The following AARS2 variants were observed in gnomAD, a reference collection of about 807,000 sequenced individuals.
AARS2 encodes alanine--tRNA ligase, mitochondrial.
Under a neutral mutation model 119.7 loss-of-function variants are expected in AARS2, and 78 were observed. The observed-to-expected ratio is 0.65, with a 90% CI of 0.54 to 0.79. The LOEUF (loss-of-function observed/expected upper bound fraction) is 0.79, where lower values mean the gene tolerates loss of function less well. AARS2 is among the 30% of genes least tolerant of loss of function. The pLI, the probability that AARS2 is intolerant of heterozygous loss-of-function variation, is 0.00. For missense variants in AARS2, 1,157 were observed against 1,291.3 expected (o/e 0.90, Z 1.59); for synonymous variants, 502 against 526.3 (o/e 0.95, Z 0.63).
chr6:44,312,124 T>C lies in AARS2; in HGVS notation c.383A>G (p.His128Arg). 1 of 1,614,230 alleles carries C rather than the reference T, an allele frequency of 6.2e-7. No individual in the cohort carries two copies. Among genetic ancestry groups the C allele is most frequent in the Non-Finnish European group, 8.5e-7 (1 of 1,180,048 alleles). ...ATTGCCAAGCATTTCAAAGAAGGTA[T>C]GATGGGAAAGGTCTCGACCCACATC... Reference protein sequence around the residue: ...LEDVGRDLSHHTFFEMLGNWA... With the variant: ...LEDVGRDLSHRTFFEMLGNWA... Residue 128 changes from histidine to arginine, a missense_variant, in exon 2 of 22, where the codon CAT becomes CGT. His to Arg is a conservative substitution (Grantham distance 29). Transcript: ENST00000244571.
At chr6:44,312,502 T>C (rs761161317) in intron 1 of AARS2, among the ~76,000 whole-genome samples, 1 of 151,884 alleles carries the variant, frequency 6.6e-6, no homozygotes, top group Non-Finnish European at 1.5e-5. Flanking sequence ...CCTAGTAAAA[T>C]AGGCAAGGTA....
At position 44,312,150 on chromosome 6, in the gene AARS2, T is replaced by G; in HGVS notation, c.357A>C (p.Glu119Asp). 1 of 1,614,264 alleles carries G rather than the reference T, an allele frequency of 6.2e-7. No individual in the cohort carries two copies. Among genetic ancestry groups the G allele is most frequent in the Non-Finnish European group, 8.5e-7 (1 of 1,180,056 alleles). Residue 119 changes from glutamate (E) to aspartate (D), a missense_variant, in exon 2 of 22, where the codon GAA becomes GAC. Glu to Asp is a conservative substitution (Grantham distance 45). Transcript: ENST00000244571. Reference sequence around the variant, plus strand: ...GATGGGAAAGGTCTCGACCCACATCTTCCAGGTCGTTATGGTGTCCTCCAG... The same window carrying G: ...GATGGGAAAGGTCTCGACCCACATCGTCCAGGTCGTTATGGTGTCCTCCAG... The part of the protein sequence containing the change: ...VRAGGHHNDL[E>D]DVGRDLSHHT...
intron 21 of AARS2, 124 bp from the exon 22 acceptor site, chr6:44,300,835 G>C: frequency 7.9e-7 from 1 of 1,266,054 alleles, no homozygotes; most frequent in Non-Finnish European, 1.1e-6. Flanking sequence ...GCACATGGTG[G>C]GGCAGTCAGG....
rs1044839320 is a variant in AARS2, at chr6:44,307,626, T to C, written c.895-232A>G. ...CATATCTGTGACCATTTACTGAATT[T>C]CTACTATCAGAACTGGGTGAGTACT... is the stretch of plus-strand genomic sequence containing the variant. On this transcript the variant is annotated intron_variant, in intron 5 of 21. Coordinates refer to ENST00000244571, the MANE Select transcript of AARS2 (RefSeq NM_020745.4). The surrounding 1 kb of genome is among the most constrained non-coding windows in gnomAD (Gnocchi z 4.4). 1.7e-6 allele frequency: 1 copy of C among 602,356 alleles called. No individual in the cohort carries two copies. The highest frequency in any genetic ancestry group is 2.9e-5 in the Admixed American group (1 of 34,096). 37.3% of individuals were successfully genotyped at this position (602,356 alleles called of 1,614,324 possible).
rs1327298962 is a variant in AARS2 at position 44,301,263 on chromosome 6, G to A, written c.2686C>T (p.Leu896=). The change falls in exon 21 of 22, where the codon CTG becomes TTG. Residue 896 remains leucine, a synonymous_variant. Coordinates refer to ENST00000244571, the MANE Select transcript of AARS2 (RefSeq NM_020745.4). The stretch of plus-strand genomic sequence containing the variant: ...CACAGCTGCCGTACCACCTTCACCA[G>A]CACCTGGACCACGAAAGACAGATGG... The part of the protein sequence containing the change: ...DTVSAESLSV[L]VKVVRQLCEQ... 1 of 1,613,948 alleles carries A rather than the reference G, an allele frequency of 6.2e-7. No homozygotes were observed. Among genetic ancestry groups the A allele is most frequent in the Non-Finnish European group, 8.5e-7 (1 of 1,179,994 alleles).
At chr6:44,311,780 T>G (rs1181495907) in intron 2 of AARS2, among the ~76,000 whole-genome samples, 2 of 152,204 alleles carry the variant, frequency 1.3e-5, no homozygotes, top group African/African-American at 2.4e-5. Flanking sequence ...TCACATGAAA[T>G]TCTCTGCCTA....
rs540341777 is a variant in AARS2 at position 44,310,523 on chromosome 6, TG to T, written c.750-81del. 2,790 of 1,536,114 alleles carry T rather than the reference TG, an allele frequency of 1.8e-3. 27 individuals carry two copies. In the African/African-American group the frequency reaches 0.031, roughly 17 times the overall value. On this transcript the variant is annotated intron_variant, in intron 4 of 21. Transcript: ENST00000244571. ...CAGATGCCCAAGTGGAGTAGAGAAATGGGGGGGGGCCCAAGGGAGCTGACAG... is the reference window on the plus strand; with the variant it reads ...CAGATGCCCAAGTGGAGTAGAGAAATGGGGGGGGCCCAAGGGAGCTGACAG...
chr6:44,310,501 A>C, intron 4 of AARS2, 58 bp from the exon 5 acceptor site: 1 of 1,603,726 alleles, frequency 6.2e-7, no homozygotes, highest in Non-Finnish European at 8.5e-7. Context: ...TGTGAGACAG[A>C]TGCCCAAGTG....
In AARS2 at chr6:44,307,552, C is replaced by G; in HGVS notation, c.895-158G>C. 1 of 903,758 alleles carries G rather than the reference C, an allele frequency of 1.1e-6. No individual in the cohort carries two copies. Among genetic ancestry groups the G allele is most frequent in the Non-Finnish European group, 1.7e-6 (1 of 591,846 alleles). 56.0% of individuals were successfully genotyped at this position (903,758 alleles called of 1,614,324 possible). A position where few individuals can be genotyped will look rare whatever the true frequency, so the allele number is the denominator to read the frequency against. On this transcript the variant is annotated intron_variant, in intron 5 of 21. Coordinates refer to ENST00000244571, the MANE Select transcript of AARS2 (RefSeq NM_020745.4). The surrounding 1 kb of genome is among the most constrained non-coding windows in gnomAD (Gnocchi z 4.4). ...GGCTGAGAAGCCTCACAGATGAGCA[C>G]AAGCCAGGCCCTGCCCTCACGGGGC...
At position 44,311,503 on chromosome 6, in the gene AARS2, C is replaced by T; in HGVS notation, c.468G>A (p.Leu156=). Residue 156 remains leucine, a synonymous_variant, in exon 3 of 22, where the codon CTG becomes CTA. Transcript: ENST00000244571. ...CCTCAGGGATCCCATAGACCTGAGT[C>T]AGCAGTTCCCAGGCCATGTTACAAG... ...EEACNMAWEL[L]TQVYGIPEER... 1 of 1,614,082 alleles carries T rather than the reference C, an allele frequency of 6.2e-7. No individual in the cohort carries two copies. Among genetic ancestry groups the T allele is most frequent in the Non-Finnish European group, 8.5e-7 (1 of 1,180,026 alleles).
Position 44,307,653 on chromosome 6 carries a change from GA to G in AARS2, c.895-260del. ...TACTATCAGAACTGGGTGAGTACTT[GA>G]ACAACATGGCCTCGAATCCCCAAAA... On this transcript the variant is annotated intron_variant, in intron 5 of 21. Coordinates refer to ENST00000244571, the MANE Select transcript of AARS2 (RefSeq NM_020745.4). The surrounding 1 kb of genome is among the most constrained non-coding windows in gnomAD (Gnocchi z 4.4). 1.8e-6 allele frequency: 1 copy of G among 565,114 alleles called. No individual in the cohort carries two copies. The highest frequency in any genetic ancestry group is 1.9e-5 in the African/African-American group (1 of 53,374). 35.0% of individuals were successfully genotyped at this position (565,114 alleles called of 1,614,324 possible). A position where few individuals can be genotyped will look rare whatever the true frequency, so the allele number is the denominator to read the frequency against.
chr6:44,306,673 T>A, intron 7 of AARS2, 141 bp from the exon 8 acceptor site: 1 of 1,103,466 alleles, frequency 9.1e-7, no homozygotes, highest in Non-Finnish European at 1.4e-6. Context: ...AATGGGGAAC[T>A]GGTTTCCCTG....
At position 44,299,863 on chromosome 6, in the gene AARS2, C is replaced by T. The variant is rs370436608; in HGVS notation, c.*684G>A. ...AACACTCATGGCAATGAAGATGGCCCGATTTGGATCCTGGGTGGCCTTTCA... is the reference window on the plus strand; with the variant it reads ...AACACTCATGGCAATGAAGATGGCCTGATTTGGATCCTGGGTGGCCTTTCA... On this transcript the variant is annotated 3_prime_UTR_variant, in exon 22 of 22. Transcript: ENST00000244571. 6.5e-6 allele frequency: 1 copy of T among 152,782 alleles called. No individual in the cohort carries two copies. Among genetic ancestry groups the T allele is most frequent in the African/African-American group, 2.4e-5 (1 of 41,376 alleles). The allele number at this position is 152,782 out of a possible 1,614,324, so 9.5% of individuals were successfully genotyped here.
chr6:44,303,497 C>G (rs1039315725), intron 14 of AARS2, 74 bp from the exon 15 acceptor site: 4 of 1,602,656 alleles, frequency 2.5e-6, no homozygotes, highest in Admixed American at 1.7e-5. Flanking sequence ...CATTGAAACA[C>G]GGTCAATGTT....
In AARS2 at chr6:44,300,507, C is replaced by T. The variant is rs758172170; in HGVS notation, c.*40G>A. The T allele has an allele frequency of 6.2e-7, 1 of 1,613,478 alleles. No individual in the cohort carries two copies. Among genetic ancestry groups the T allele is most frequent in the South Asian group, 1.1e-5 (1 of 91,088 alleles). On this transcript the variant is annotated 3_prime_UTR_variant, in exon 22 of 22. Coordinates refer to ENST00000244571, the MANE Select transcript of AARS2 (RefSeq NM_020745.4). ...CTGCTGGCTCCTTCAGGGCTCCTGG[C>T]ATTGCCTTTAGTCCATGTGGGTCCC... is the stretch of plus-strand genomic sequence containing the variant.
Position 44,305,588 on chromosome 6 carries a change from C to T in AARS2, c.1434+65G>A. ...CTCTCAATATTCACAGCTCCTCCCC[C>T]AGGAGCTCAGGGCTGGGGAAGAGGT... On this transcript the variant is annotated intron_variant, in intron 10 of 21. Transcript: ENST00000244571. The surrounding 1 kb of genome is among the most constrained non-coding windows in gnomAD (Gnocchi z 4.6). 2 of 1,603,942 alleles carry T rather than the reference C, an allele frequency of 1.2e-6. No homozygotes were observed. The highest frequency in any genetic ancestry group is 1.1e-5 in the South Asian group (1 of 90,754).
At chr6:44,312,293 A>T in intron 1 of AARS2, 30 bp from the exon 2 acceptor site, 5 of 1,604,684 alleles carry the variant, frequency 3.1e-6, no homozygotes, top group Non-Finnish European at 4.3e-6. Flanking sequence ...GGAGGGGGAG[A>T]GGGATATCCA....
Position 44,313,282 on chromosome 6 carries a change from C to T in AARS2, c.42G>A (p.Arg14=). Reference sequence around the variant, plus strand: ...GCCATGCGGGCGACCTTCGAATGGCCCGCCGCAGCCTCCGGGCTGCAGCTG... The same window carrying T: ...GCCATGCGGGCGACCTTCGAATGGCTCGCCGCAGCCTCCGGGCTGCAGCTG... ...SVAAAARRLR[R]AIRRSPAWRG... The change falls in exon 1 of 22, where the codon CGG becomes CGA. Residue 14 remains arginine, a synonymous_variant. Coordinates refer to ENST00000244571, the MANE Select transcript of AARS2 (RefSeq NM_020745.4). 6.3e-7 allele frequency: 1 copy of T among 1,598,804 alleles called. No homozygotes were observed. Among genetic ancestry groups the T allele is most frequent in the Non-Finnish European group, 8.5e-7 (1 of 1,176,550 alleles).
chr6:44,301,114 G>T, intron 21 of AARS2, 42 bp downstream of exon 21: 1 of 1,537,496 alleles, frequency 6.5e-7, no homozygotes, highest in Non-Finnish European at 9.0e-7. Context: ...GACCAGGATG[G>T]GTATTAATGG....
Sources: gnomAD v4.1 joint callset for allele counts (sites outside exome capture counted in the v4.1 genomes callset) on GRCh38, gnomAD v4.1.1 for gene constraint, Gnocchi (gnomAD v3.1) non-coding constraint, MANE v1.5 for transcripts, NCBI Gene and HGNC (gene_info 2026-07-23, HGNC 2026-07-21) for gene names.